UBE2E2: variants seen among roughly 807,000 people sequenced by gnomAD.
UBE2E2 encodes ubiquitin-conjugating enzyme E2 E2.
Under a neutral mutation model 24.7 loss-of-function variants are expected in UBE2E2, and 6 were observed. That is an observed-to-expected ratio of 0.24 (90% CI 0.13 to 0.48). The LOEUF (loss-of-function observed/expected upper bound fraction) is 0.48. UBE2E2 is among the 20% of genes least tolerant of loss of function. The pLI is 0.99. For synonymous variants in UBE2E2, 104 were observed against 83.6 expected, an observed-to-expected ratio of 1.24 and a Z score of -1.33; for missense variants, 169 against 245.0, an observed-to-expected ratio of 0.69 and a Z score of 2.07.
At chr3:23,487,637 G>A (rs1699405076) in intron 3 of UBE2E2, among the ~76,000 whole-genome samples, 1 of 152,152 alleles carries the variant, frequency 6.6e-6, no homozygotes, top group Non-Finnish European at 1.5e-5. Context: ...ACTTTCTGGA[G>A]TAGCTACTTT....
At chr3:23,336,628 C>A (rs930616280) in intron 3 of UBE2E2, among the ~76,000 whole-genome samples, 1 of 152,106 alleles carries the variant, frequency 6.6e-6, no homozygotes, top group African/African-American at 2.4e-5. Context: ...GTACATAAAG[C>A]AGGCTAACGT....
rs565681915 is a variant in UBE2E2, at chr3:23,296,595, T to G, written c.227+79283T>G. ...GTCCTTGCGATAGTTTGCTGAGAAT[T>G]ACGGTTTCCAGCTTCATCCATGTCC... On this transcript the variant is annotated intron_variant, in intron 3 of 5. Transcript: ENST00000396703. 7.5e-4 allele frequency among the ~76,000 whole-genome samples: 114 copies of G among 152,260 alleles called. 3 individuals carry two copies. In the East Asian group the frequency reaches 0.015, roughly 21 times the overall value.
rs542775367 is a variant in UBE2E2, at chr3:23,485,546, CA to C, written c.228-14052del. ...CTATTAAAACAAAAACAAAAACAAACAAAAAAAAAACCTCTCTTGTTTTTGT... is the reference window on the plus strand; with the variant it reads ...CTATTAAAACAAAAACAAAAACAAACAAAAAAAAACCTCTCTTGTTTTTGT... On this transcript the variant is annotated intron_variant, in intron 3 of 5. Transcript: ENST00000396703. Among the ~76,000 whole-genome samples, 86 of 147,606 alleles carry C rather than the reference CA, an allele frequency of 5.8e-4. 1 individual carries two copies. The highest frequency in any genetic ancestry group is 1.1e-3 in the South Asian group (5 of 4,666).
intron 5 of UBE2E2, among the ~76,000 whole-genome samples, chr3:23,584,199 A>T (rs974149565): frequency 6.6e-6 from 1 of 152,154 alleles, no homozygotes; most frequent in Non-Finnish European, 1.5e-5. Context: ...TGCGTTGTTT[A>T]TGCAATGAAT....
At chr3:23,567,170 A>G (rs77228996) in intron 5 of UBE2E2, among the ~76,000 whole-genome samples, 2 of 152,322 alleles carry the variant, frequency 1.3e-5, no homozygotes, top group Admixed American at 1.3e-4. Context: ...ATGGAAAACA[A>G]GGTTCACAAT....
Position 23,208,774 on chromosome 3 carries a change from A to G in UBE2E2, c.75A>G (p.Glu25=). The G allele has an allele frequency of 1.9e-6, 3 of 1,613,874 alleles. No homozygotes were observed. The highest frequency in any genetic ancestry group is 2.5e-6 in the Non-Finnish European group (3 of 1,179,838). Residue 25 remains glutamate, a synonymous_variant, in exon 2 of 6, where the codon GAA becomes GAG. Coordinates refer to ENST00000396703, the MANE Select transcript of UBE2E2 (RefSeq NM_152653.4). ...GAAGTTCCGATGGAGATCAACGTGAAAGTGTTCAGCAAGAACCAGAAAGAG... is the reference window on the plus strand; with the variant it reads ...GAAGTTCCGATGGAGATCAACGTGAGAGTGTTCAGCAAGAACCAGAAAGAG... ...SGGSSDGDQR[E]SVQQEPEREQ... is the part of the protein sequence containing the mutation.
intron 3 of UBE2E2, among the ~76,000 whole-genome samples, chr3:23,499,113 G>A (rs1699665914): frequency 2.0e-5 from 3 of 152,198 alleles, no homozygotes; most frequent in Admixed American, 6.5e-5. Flanking sequence ...TGGTCATGAT[G>A]TATGGGTCAG....
chr3:23,312,599 A>G (rs904863811), intron 3 of UBE2E2, among the ~76,000 whole-genome samples: 5 of 150,680 alleles, frequency 3.3e-5, no homozygotes, highest in Non-Finnish European at 5.9e-5. Context: ...TTGATTTTTT[A>G]TATTGTTTCT....
intron 3 of UBE2E2, among the ~76,000 whole-genome samples, chr3:23,305,665 C>T (rs1699219356): frequency 6.6e-6 from 1 of 152,118 alleles, no homozygotes; most frequent in Non-Finnish European, 1.5e-5. Context: ...GGTTATAAGC[C>T]TTGCAGAGGA....
At chr3:23,447,643 T>G (rs1192585308) in intron 3 of UBE2E2, among the ~76,000 whole-genome samples, 1 of 152,186 alleles carries the variant, frequency 6.6e-6, no homozygotes, top group Non-Finnish European at 1.5e-5. Flanking sequence ...TGAAGAAGTT[T>G]TAGTAATTCT....
At chr3:23,532,533 T>C in intron 4 of UBE2E2, 21 bp from the exon 5 acceptor site, 1 of 1,496,746 alleles carries the variant, frequency 6.7e-7, no homozygotes, top group Non-Finnish European at 9.1e-7. Context: ...TAACAAAATA[T>C]AACTTTACAT....
At chr3:23,445,793 A>T (rs889939055) in intron 3 of UBE2E2, among the ~76,000 whole-genome samples, 2 of 152,124 alleles carry the variant, frequency 1.3e-5, no homozygotes, top group Non-Finnish European at 2.9e-5. Context: ...TGGGTACTTT[A>T]AGTCACAGAC....
intron 3 of UBE2E2, among the ~76,000 whole-genome samples, chr3:23,482,051 A>G (rs1699270552): frequency 6.6e-6 from 1 of 152,232 alleles, no homozygotes; most frequent in Admixed American, 6.5e-5. Flanking sequence ...GCCAACTGCA[A>G]AATCTCACAT....
intron 3 of UBE2E2, among the ~76,000 whole-genome samples, chr3:23,410,341 T>C (rs1374520665): frequency 6.6e-6 from 1 of 152,208 alleles, no homozygotes; most frequent in African/African-American, 2.4e-5. Flanking sequence ...CTATCTTTTC[T>C]TGATTTTCCT....
At chr3:23,401,810 A>T (rs186133374) in intron 3 of UBE2E2, among the ~76,000 whole-genome samples, 2 of 145,310 alleles carry the variant, frequency 1.4e-5, no homozygotes, top group African/African-American at 5.1e-5. Flanking sequence ...CCTCCCGAGT[A>T]GCTTGGGACT....
intron 3 of UBE2E2, among the ~76,000 whole-genome samples, chr3:23,367,300 G>A (rs910593708): frequency 4.6e-5 from 7 of 152,156 alleles, no homozygotes; most frequent in Non-Finnish European, 7.3e-5. Flanking sequence ...GTTTGCTTAT[G>A]AGTTGACTGA....
At chr3:23,490,672 G>GT (rs763062299) in intron 3 of UBE2E2, among the ~76,000 whole-genome samples, 42 of 152,178 alleles carry the variant, frequency 2.8e-4, no homozygotes, top group Non-Finnish European at 5.9e-4. Context: ...TAGAAGGCTC[G>GT]TTTACTCTCT....
chr3:23,347,442 C>T (rs1695592036), intron 3 of UBE2E2, among the ~76,000 whole-genome samples: 1 of 152,090 alleles, frequency 6.6e-6, no homozygotes, highest in Non-Finnish European at 1.5e-5. Context: ...TCTAAGCAAA[C>T]TATCACAAGG....
intron 3 of UBE2E2, among the ~76,000 whole-genome samples, chr3:23,263,168 C>CT (rs1223098616): frequency 6.6e-6 from 1 of 152,134 alleles, no homozygotes; most frequent in African/African-American, 2.4e-5. Flanking sequence ...AACACACTGA[C>CT]TACTTGAGCC....
Sources: allele counts gnomAD v4.1 joint callset (sites outside exome capture counted in the v4.1 genomes callset), GRCh38; gene constraint gnomAD v4.1.1; transcripts MANE v1.5; gene names NCBI Gene and HGNC (gene_info 2026-07-23, HGNC 2026-07-21).